KIAA1958: variants seen among roughly 807,000 people sequenced by gnomAD.
The protein encoded by KIAA1958 is uncharacterized protein KIAA1958.
Under a neutral mutation model 47.2 loss-of-function variants are expected in KIAA1958, and 14 were observed. The observed-to-expected ratio is 0.30, with a 90% CI of 0.20 to 0.46. KIAA1958 has a LOEUF of 0.46. Ranked by LOEUF, KIAA1958 falls within the 20% of genes least tolerant of loss-of-function variation. The probability of loss-of-function intolerance (pLI) is 1.00; values close to 1 mark genes in which losing one functional copy is unlikely to be tolerated. For synonymous variants in KIAA1958, 354 were observed against 353.3 expected, an observed-to-expected ratio of 1.00 and a Z score of -0.02; for missense variants, 803 against 909.2, an observed-to-expected ratio of 0.88 and a Z score of 1.50.
At chr9:112,511,564 A>G (rs1157268162) in intron 1 of KIAA1958, among the ~76,000 whole-genome samples, 1 of 152,228 alleles carries the variant, frequency 6.6e-6, no homozygotes, top group African/African-American at 2.4e-5. Context: ...GGATATAGCT[A>G]AAGTAGTACT....
Position 112,564,572 on chromosome 9 carries a change from AAAG to A in KIAA1958, c.-24-9482_-24-9480del, listed in dbSNP as rs760014122. ...ATCCTTTCATACCTTTTTTTTCTGT[AAAG>A]AAATTTTTCTCAAACTTTTGAAAGA... On this transcript the variant is annotated intron_variant, in intron 1 of 3. Coordinates refer to ENST00000337530, the MANE Select transcript of KIAA1958 (RefSeq NM_133465.4). Among the ~76,000 whole-genome samples, 575 of 152,178 alleles carry A rather than the reference AAAG, an allele frequency of 3.8e-3. 3 individuals carry two copies. The highest frequency in any genetic ancestry group is 9.4e-3 in the Admixed American group (143 of 15,280).
At chr9:112,587,680 C>T (rs1350063417) in intron 2 of KIAA1958, among the ~76,000 whole-genome samples, 1 of 152,092 alleles carries the variant, frequency 6.6e-6, no homozygotes, top group Non-Finnish European at 1.5e-5. Context: ...CCAAAGAAAG[C>T]ATTTTTATTG....
intron 2 of KIAA1958, among the ~76,000 whole-genome samples, chr9:112,585,959 C>G (rs1295277025): frequency 1.3e-5 from 2 of 152,148 alleles, no homozygotes; most frequent in Non-Finnish European, 2.9e-5. Context: ...TACAAAGTGC[C>G]AAGTTCAGAT....
At chr9:112,627,946 G>A (rs1025518117) in intron 2 of KIAA1958, among the ~76,000 whole-genome samples, 1 of 152,062 alleles carries the variant, frequency 6.6e-6, no homozygotes, top group African/African-American at 2.4e-5. Flanking sequence ...TTTCCATCTT[G>A]CCTCAGCAAT....
intron 2 of KIAA1958, among the ~76,000 whole-genome samples, chr9:112,606,740 G>C (rs1172721475): frequency 6.6e-6 from 1 of 152,164 alleles, no homozygotes; most frequent in Non-Finnish European, 1.5e-5. Context: ...TGAACACCCA[G>C]ATCTTCAGGA....
intron 2 of KIAA1958, among the ~76,000 whole-genome samples, chr9:112,588,415 G>A (rs146769437): frequency 4.2e-4 from 64 of 152,172 alleles, no homozygotes; most frequent in African/African-American, 1.5e-3. Flanking sequence ...CAATAAGCCC[G>A]TCCCAGCATT....
chr9:112,505,058 C>G (rs1039883370), intron 1 of KIAA1958, among the ~76,000 whole-genome samples: 18 of 152,156 alleles, frequency 1.2e-4, no homozygotes, highest in African/African-American at 4.3e-4. Flanking sequence ...ACTCAACTTT[C>G]CCAGTCTCTG....
intron 2 of KIAA1958, among the ~76,000 whole-genome samples, chr9:112,607,356 A>AAT (rs907821710): frequency 6.6e-6 from 1 of 151,834 alleles, no homozygotes; most frequent in African/African-American, 2.4e-5. Context: ...GAAAAAAAAA[A>AAT]GGCGTGGGAA....
intron 1 of KIAA1958, among the ~76,000 whole-genome samples, chr9:112,518,942 T>A (rs191178452): frequency 6.6e-6 from 1 of 152,084 alleles, no homozygotes; most frequent in Admixed American, 6.5e-5. Flanking sequence ...GTTCGTGTTT[T>A]TTTAGAGACA....
chr9:112,659,557 C>T lies in KIAA1958; in HGVS notation c.1639C>T (p.Leu547=). The T allele has an allele frequency of 6.2e-7, 1 of 1,613,030 alleles. No homozygotes were observed. ...DEEEMWQAGC[L]GDDSPITLLS... is the part of the protein sequence containing the mutation. The stretch of plus-strand genomic sequence containing the variant: ...GGAGGAGATGTGGCAGGCAGGGTGT[C>T]TGGGGGATGACAGCCCTATCACTCT... The change falls in exon 4 of 4, where the codon CTG becomes TTG. Residue 547 remains leucine, a synonymous_variant. Transcript: ENST00000337530.
intron 3 of KIAA1958, among the ~76,000 whole-genome samples, chr9:112,656,813 T>G (rs12005691): frequency 6.6e-6 from 1 of 152,164 alleles, no homozygotes; most frequent in African/African-American, 2.4e-5. Flanking sequence ...GTAATTATAT[T>G]TTGCTAGACA....
At chr9:112,656,363 ACT>A (rs1438999436) in intron 3 of KIAA1958, among the ~76,000 whole-genome samples, 2 of 105,734 alleles carry the variant, frequency 1.9e-5, no homozygotes, top group Non-Finnish European at 3.6e-5. Flanking sequence ...ACAGAGTGAG[ACT>A]CTGTCTCAAA....
intron 2 of KIAA1958, among the ~76,000 whole-genome samples, chr9:112,589,639 A>T (rs567670782): frequency 3.3e-4 from 51 of 152,282 alleles, no homozygotes; most frequent in African/African-American, 1.2e-3. Flanking sequence ...AGTTGTGTAA[A>T]TAGGTTTATG....
chr9:112,541,322 AAC>A (rs1268061709), intron 1 of KIAA1958, among the ~76,000 whole-genome samples: 2 of 149,808 alleles, frequency 1.3e-5, no homozygotes, highest in Non-Finnish European at 2.9e-5. Context: ...AGTTGAGTGA[AAC>A]AGAGTATCCA....
intron 3 of KIAA1958, among the ~76,000 whole-genome samples, chr9:112,658,194 C>T (rs2131253213): frequency 6.6e-6 from 1 of 152,300 alleles, no homozygotes. Context: ...ATATTGAAAA[C>T]CTGTGGCTCA....
intron 2 of KIAA1958, among the ~76,000 whole-genome samples, chr9:112,594,053 C>T (rs964318195): frequency 2.0e-5 from 3 of 152,044 alleles, no homozygotes; most frequent in African/African-American, 7.2e-5. Context: ...TTTGTAGAGA[C>T]AGGGTCTCAC....
At chr9:112,546,950 A>G (rs1370292902) in intron 1 of KIAA1958, among the ~76,000 whole-genome samples, 1 of 151,826 alleles carries the variant, frequency 6.6e-6, no homozygotes, top group Non-Finnish European at 1.5e-5. Flanking sequence ...ATATGTATAT[A>G]TATATATTTT....
chr9:112,568,936 T>TAAAAAAAAAAAAAAAAAAAAAAAAA (rs57898820), intron 1 of KIAA1958, among the ~76,000 whole-genome samples: 3 of 36,454 alleles, frequency 8.2e-5, no homozygotes, highest in Non-Finnish European at 1.4e-4. Context: ...ATAGGAAAAC[T>TAAAAAAAAAAAAAAAAAAAAAAAAA]AAAAAAAAAA....
intron 1 of KIAA1958, among the ~76,000 whole-genome samples, chr9:112,558,148 C>G (rs961199968): frequency 2.6e-5 from 4 of 152,004 alleles, no homozygotes; most frequent in African/African-American, 7.3e-5. Flanking sequence ...TCGCTTGAAC[C>G]CGGGAGGCGG....
Sources: allele counts gnomAD v4.1 joint callset (sites outside exome capture counted in the v4.1 genomes callset), GRCh38; gene constraint gnomAD v4.1.1; transcripts MANE v1.5; gene names NCBI Gene and HGNC (gene_info 2026-07-23, HGNC 2026-07-21).